The following SATB1 variants were observed in gnomAD, a reference collection of about 807,000 sequenced individuals.
SATB1 encodes the protein SATB homeobox 1.
SATB1 carries 11 observed loss-of-function variants against 86.9 expected under a neutral mutation model. The observed-to-expected ratio is 0.13, with a 90% CI of 0.08 to 0.21. The LOEUF (loss-of-function observed/expected upper bound fraction) is 0.21. Among genes scored for constraint, SATB1 ranks in the 10% least tolerant of loss-of-function variants. The probability of loss-of-function intolerance (pLI) is 1.00; values close to 1 mark genes in which losing one functional copy is unlikely to be tolerated. For missense variants in SATB1, 551 were observed against 937.6 expected (o/e 0.59, Z 5.39); for synonymous variants, 357 against 357.2 (o/e 1.00, Z 0.01).
chr3:18,444,774 C>A lies in SATB1; in HGVS notation c.-25+744G>T. Reference sequence around the variant, plus strand: ...CGGCTGCCGCGGAAGTTAATTGCAACTTGACTTCAAGTTGTCCTCTTTCCC... The same window carrying A: ...CGGCTGCCGCGGAAGTTAATTGCAAATTGACTTCAAGTTGTCCTCTTTCCC... On this transcript the variant is annotated intron_variant, in intron 1 of 3. Coordinates refer to the SATB1 transcript ENST00000415069. This position sits in a 1 kb window ranked among gnomAD's most constrained non-coding sequence, Gnocchi z 5.1. The A allele has an allele frequency of 2.5e-6, 1 of 399,808 alleles. No homozygotes were observed. The highest frequency in any genetic ancestry group is 3.4e-6 in the Non-Finnish European group (1 of 295,372). The allele number at this position is 399,808 out of a possible 1,614,324, so 24.8% of individuals were successfully genotyped here. A position where few individuals can be genotyped will look rare whatever the true frequency, so the allele number is the denominator to read the frequency against.
At chr3:18,372,503 T>C (rs757857519) in intron 9 of SATB1, among the ~76,000 whole-genome samples, 4 of 152,190 alleles carry the variant, frequency 2.6e-5, no homozygotes, top group Admixed American at 6.6e-5. Context: ...ATACCAAGTG[T>C]CTAGGGGATA....
chr3:18,352,570 C>A lies in SATB1; in HGVS notation c.1576-375G>T. 1 of 204,912 alleles carries A rather than the reference C, an allele frequency of 4.9e-6. No homozygotes were observed. The highest frequency in any genetic ancestry group is 1.0e-5 in the Non-Finnish European group (1 of 99,260). The allele number at this position is 204,912 out of a possible 1,614,324, so 12.7% of individuals were successfully genotyped here. A position where few individuals can be genotyped will look rare whatever the true frequency, so the allele number is the denominator to read the frequency against. On this transcript the variant is annotated intron_variant, in intron 9 of 10. Transcript: ENST00000338745. This position sits in a 1 kb window ranked among gnomAD's most constrained non-coding sequence, Gnocchi z 4.1. ...TGGCCATCTGAGGATACGGAAGTGC[C>A]TAAGAGGCAGGACAGATTTTAGAAA...
chr3:18,377,977 G>T (rs1182737113), intron 9 of SATB1, among the ~76,000 whole-genome samples, 193 bp downstream of exon 9: 1 of 152,066 alleles, frequency 6.6e-6, no homozygotes, highest in Non-Finnish European at 1.5e-5. Context: ...CTGAGGAGTG[G>T]CTATTGGAAA....
rs1487375430 is a variant in SATB1 at position 18,405,181 on chromosome 3, TC to T, written c.640-7892del. On this transcript the variant is annotated intron_variant, in intron 5 of 10. Transcript: ENST00000338745. ...TCCAAATAGAATTTTCACAAGTTTT[TC>T]ATTAGATAAATATGAATCCAAGGAA... Among the ~76,000 whole-genome samples the T allele has an allele frequency of 1.1e-4, 17 of 152,198 alleles. No homozygotes were observed. The South Asian group carries it at 2.5e-3, about 22-fold the overall frequency.
Position 18,379,783 on chromosome 3 carries a change from G to T in SATB1, c.1420-1458C>A, listed in dbSNP as rs527418189. Among the ~76,000 whole-genome samples, 37 of 152,302 alleles carry T rather than the reference G, an allele frequency of 2.4e-4. No homozygotes were observed. The South Asian group carries it at 7.7e-3, about 32-fold the overall frequency. ...ATACCACCTTTCCAAGCATGGAAAA[G>T]ATAATGCTGGGAAATAGTTGGCCCG... On this transcript the variant is annotated intron_variant, in intron 8 of 10. Transcript: ENST00000338745.
chr3:18,425,895 A>G (rs1484691232), upstream of SATB1, among the ~76,000 whole-genome samples: 23 of 151,630 alleles, frequency 1.5e-4, no homozygotes, highest in Non-Finnish European at 4.4e-5. Flanking sequence ...GGCGAGGGCC[A>G]GGGGAGAAAA....
chr3:18,372,111 A>T (rs928369788), intron 9 of SATB1, among the ~76,000 whole-genome samples: 1 of 152,254 alleles, frequency 6.6e-6, no homozygotes, highest in Non-Finnish European at 1.5e-5. Context: ...ATATTAAAGC[A>T]GGTTCTATGA....
rs1234535356 is a variant in SATB1, at chr3:18,378,309, ATAG to A, written c.1433_1435del (p.Thr478del). The A allele has an allele frequency of 3.1e-6, 5 of 1,611,046 alleles. No homozygotes were observed. The highest frequency in any genetic ancestry group is 4.2e-6 in the Non-Finnish European group (5 of 1,178,952). On this transcript the variant is annotated inframe_deletion, in exon 9 of 11. Transcript: ENST00000338745. ...TGGTTTCCCATTCCTTTCAGTGGCA[ATAG>A]TAGCTGTTTTCACCTACAAAACATT...
At chr3:18,388,462 A>G (rs1696457414) in intron 7 of SATB1, among the ~76,000 whole-genome samples, 1 of 152,214 alleles carries the variant, frequency 6.6e-6, no homozygotes, top group Non-Finnish European at 1.5e-5. Flanking sequence ...ACATGAAAAC[A>G]TCAGTATAAA....
chr3:18,415,813 G>T (rs111834541), intron 4 of SATB1, among the ~76,000 whole-genome samples, 194 bp downstream of exon 4: 108 of 151,736 alleles, frequency 7.1e-4, no homozygotes, highest in African/African-American at 1.7e-3. Context: ...GTGTGTGTGG[G>T]GGGGGGGATT....
intron 9 of SATB1, among the ~76,000 whole-genome samples, chr3:18,360,933 G>A (rs1242333509): frequency 1.3e-5 from 2 of 152,120 alleles, no homozygotes; most frequent in Admixed American, 1.3e-4. Flanking sequence ...GAAGAGTTGA[G>A]GTAGGGTTGT....
chr3:18,393,455 CAG>C (rs1178411386), intron 7 of SATB1, among the ~76,000 whole-genome samples: 2 of 152,168 alleles, frequency 1.3e-5, no homozygotes, highest in African/African-American at 4.8e-5. Context: ...CACAGTTCAA[CAG>C]AGTCAATTTG....
chr3:18,377,913 T>G (rs1019203426), intron 9 of SATB1, among the ~76,000 whole-genome samples: 14 of 152,202 alleles, frequency 9.2e-5, no homozygotes, highest in African/African-American at 3.4e-4. Context: ...CATTATGATA[T>G]CCTTCTCAAA....
chr3:18,371,855 T>C (rs1029912513), intron 9 of SATB1, among the ~76,000 whole-genome samples: 3 of 152,232 alleles, frequency 2.0e-5, no homozygotes, highest in African/African-American at 7.2e-5. Flanking sequence ...TATATCAGTG[T>C]TATAGCTGTG....
At chr3:18,417,187 T>G in intron 2 of SATB1, 109 bp from the exon 3 acceptor site, 1 of 1,089,566 alleles carries the variant, frequency 9.2e-7, no homozygotes, top group African/African-American at 1.6e-5. Context: ...TCACAAGAGA[T>G]TCACTGTGCT....
chr3:18,352,292 T>C lies in SATB1; in HGVS notation c.1576-97A>G. ...AAGGAAAAACCCTATGAATTAACTTTTTCATAAGCTCAGAACACACCATTC... is the reference window on the plus strand; with the variant it reads ...AAGGAAAAACCCTATGAATTAACTTCTTCATAAGCTCAGAACACACCATTC... On this transcript the variant is annotated intron_variant, in intron 9 of 10. Coordinates refer to ENST00000338745, the MANE Select transcript of SATB1 (RefSeq NM_002971.6). The surrounding 1 kb of genome is among the most constrained non-coding windows in gnomAD (Gnocchi z 4.1). The C allele has an allele frequency of 9.9e-7, 1 of 1,014,082 alleles. No homozygotes were observed. Among genetic ancestry groups the C allele is most frequent in the Non-Finnish European group, 1.5e-6 (1 of 670,878 alleles). 62.8% of individuals were successfully genotyped at this position (1,014,082 alleles called of 1,614,324 possible). A position where few individuals can be genotyped will look rare whatever the true frequency, so the allele number is the denominator to read the frequency against.
chr3:18,371,393 T>C (rs1375420715), intron 9 of SATB1, among the ~76,000 whole-genome samples: 2 of 152,180 alleles, frequency 1.3e-5, no homozygotes, highest in Non-Finnish European at 2.9e-5. Context: ...TATAGATATA[T>C]ATATTTTTAA....
In SATB1 at chr3:18,349,293, C is replaced by T. The variant is rs772172206; in HGVS notation, c.2169G>A (p.Glu723=). 5 of 1,614,088 alleles carry T rather than the reference C, an allele frequency of 3.1e-6. No homozygotes were observed. Among genetic ancestry groups the T allele is most frequent in the Non-Finnish European group, 4.2e-6 (5 of 1,180,038 alleles). ...EVDVAEYKEE[E]LLKDLEESVQ... is the part of the protein sequence containing the mutation. The stretch of plus-strand genomic sequence containing the variant: ...CACTCTCTTCCAAATCCTTCAGCAG[C>T]TCCTCTTCTTTATATTCTGCCACAT... The change falls in exon 11 of 11, where the codon GAG becomes GAA. Residue 723 remains glutamate (E), a synonymous_variant. Coordinates refer to ENST00000338745, the MANE Select transcript of SATB1 (RefSeq NM_002971.6). The surrounding 1 kb of genome is among the most constrained non-coding windows in gnomAD (Gnocchi z 5.5).
chr3:18,360,350 T>C (rs1694847720), intron 9 of SATB1, among the ~76,000 whole-genome samples: 1 of 152,168 alleles, frequency 6.6e-6, no homozygotes, highest in Non-Finnish European at 1.5e-5. Context: ...TGACCTTCAG[T>C]GGCTTCCCAA....
Sources: gnomAD v4.1 joint callset for allele counts (sites outside exome capture counted in the v4.1 genomes callset) on GRCh38, gnomAD v4.1.1 for gene constraint, Gnocchi (gnomAD v3.1) non-coding constraint, MANE v1.5 for transcripts, NCBI Gene and HGNC (gene_info 2026-07-23, HGNC 2026-07-21) for gene names.